CSMD1: variants seen among roughly 807,000 people sequenced by gnomAD.
CSMD1 encodes CUB and Sushi multiple domains 1.
A neutral mutation model predicts 417.5 loss-of-function variants in CSMD1; 213 were observed. That is an observed-to-expected ratio of 0.51 (90% CI 0.46 to 0.57). CSMD1 has a LOEUF of 0.57. Among genes scored for constraint, CSMD1 ranks in the 20% least tolerant of loss-of-function variants. The pLI is 0.00. For synonymous variants in CSMD1, 2,862 were observed against 1,736.8 expected, an observed-to-expected ratio of 1.65 and a Z score of -16.11; for missense variants, 6,923 against 4,529.7, an observed-to-expected ratio of 1.53 and a Z score of -15.17.
chr8:3,362,434 T>C (rs191586803), intron 20 of CSMD1, among the ~76,000 whole-genome samples: 28 of 152,286 alleles, frequency 1.8e-4, no homozygotes, highest in Admixed American at 1.7e-3. Context: ...TTTAATACAG[T>C]TGAATGCTCT....
intron 5 of CSMD1, among the ~76,000 whole-genome samples, chr8:3,784,852 T>C (rs1184208842): frequency 6.6e-6 from 1 of 152,210 alleles, no homozygotes. Flanking sequence ...TCCAATGAAA[T>C]CATCACAATA....
chr8:4,775,289 C>A (rs1293658328), intron 1 of CSMD1, among the ~76,000 whole-genome samples: 1 of 152,032 alleles, frequency 6.6e-6, no homozygotes, highest in African/African-American at 2.4e-5. Context: ...TCAGGTCCAG[C>A]ATAAAGTCTC....
At position 4,819,247 on chromosome 8, in the gene CSMD1, T is replaced by C. The variant is rs1029489304; in HGVS notation, c.85+175085A>G. On this transcript the variant is annotated intron_variant, in intron 1 of 69. Coordinates refer to ENST00000635120, the MANE Select transcript of CSMD1 (RefSeq NM_033225.6). ...TTACAATATTAACTAGTATTTGGCA[T>C]TTTACAATTAACAAAAACAAAACCT... is the stretch of plus-strand genomic sequence containing the variant. Among the ~76,000 whole-genome samples, 26 of 152,298 alleles carry C rather than the reference T, an allele frequency of 1.7e-4. No individual in the cohort carries two copies. In the East Asian group the frequency reaches 2.1e-3, roughly 12 times the overall value.
At chr8:2,956,603 G>A (rs773183289) in intron 63 of CSMD1, among the ~76,000 whole-genome samples, 2 of 151,874 alleles carry the variant, frequency 1.3e-5, no homozygotes, top group Non-Finnish European at 2.9e-5. Context: ...ACAGGCACCC[G>A]CCACCATGCC....
intron 23 of CSMD1, among the ~76,000 whole-genome samples, chr8:3,339,724 T>A (rs1807516736): frequency 1.3e-5 from 2 of 152,160 alleles, no homozygotes; most frequent in Admixed American, 6.5e-5. Flanking sequence ...ACAATTTGAA[T>A]GACAATCATC....
Position 3,975,717 on chromosome 8 carries a change from C to A in CSMD1, c.818+22186G>T, listed in dbSNP as rs551205278. Among the ~76,000 whole-genome samples the A allele has an allele frequency of 3.4e-3, 519 of 152,304 alleles. 5 individuals carry two copies. The highest frequency in any genetic ancestry group is 0.011 in the African/African-American group (441 of 41,556). On this transcript the variant is annotated intron_variant, in intron 5 of 69. Transcript: ENST00000635120. ...TAAAAGCCATGGTTGACAACGACTT[C>A]ATTACATGCAAACTTTAAAATAAAA...
At chr8:4,236,829 A>C (rs917497945) in intron 3 of CSMD1, among the ~76,000 whole-genome samples, 2 of 152,168 alleles carry the variant, frequency 1.3e-5, no homozygotes, top group African/African-American at 2.4e-5. Context: ...TGCTTTCCAA[A>C]TATAGAAGTC....
At chr8:4,247,928 CATTA>C (rs1157804343) in intron 3 of CSMD1, among the ~76,000 whole-genome samples, 1 of 152,128 alleles carries the variant, frequency 6.6e-6, no homozygotes, top group East Asian at 1.9e-4. Flanking sequence ...GATGTAGGTA[CATTA>C]ATCAAATATT....
chr8:4,143,953 C>T (rs562561686), intron 3 of CSMD1, among the ~76,000 whole-genome samples: 15 of 151,462 alleles, frequency 9.9e-5, no homozygotes, highest in Non-Finnish European at 7.3e-5. Context: ...ATGGCCAGTG[C>T]TTGGCCCATA....
intron 49 of CSMD1, among the ~76,000 whole-genome samples, chr8:3,059,400 C>T (rs1367238405): frequency 6.6e-6 from 1 of 152,052 alleles, no homozygotes; most frequent in African/African-American, 2.4e-5. Flanking sequence ...GCTTTTTAAG[C>T]AACATCCTCA....
intron 10 of CSMD1, among the ~76,000 whole-genome samples, chr8:3,526,627 T>C (rs1797765168): frequency 6.6e-6 from 1 of 152,188 alleles, no homozygotes; most frequent in African/African-American, 2.4e-5. Flanking sequence ...AAATAATTTT[T>C]CCAAGGTACC....
chr8:4,045,609 A>G (rs955670245), intron 3 of CSMD1, among the ~76,000 whole-genome samples: 4 of 152,192 alleles, frequency 2.6e-5, no homozygotes, highest in African/African-American at 7.2e-5. Context: ...TGTTCCTGCT[A>G]TTAGCTGCAA....
intron 3 of CSMD1, among the ~76,000 whole-genome samples, chr8:4,042,516 A>G (rs17068682): frequency 0.061 from 9,272 of 152,164 alleles, 377 homozygotes; most frequent in Middle Eastern, 0.095. Context: ...AAAGCCCGTC[A>G]CTAGCAGGCC....
At chr8:3,988,850 G>C (rs545776754) in intron 5 of CSMD1, among the ~76,000 whole-genome samples, 6 of 152,240 alleles carry the variant, frequency 3.9e-5, no homozygotes, top group Admixed American at 2.0e-4. Flanking sequence ...TTCCTTTAAA[G>C]TGATATTATT....
At chr8:3,705,011 C>A (rs1024922775) in intron 7 of CSMD1, among the ~76,000 whole-genome samples, 3 of 152,172 alleles carry the variant, frequency 2.0e-5, no homozygotes, top group Non-Finnish European at 4.4e-5. Context: ...CTCTCGAATT[C>A]ACCAAAACCT....
At chr8:3,859,551 A>G (rs1205949078) in intron 5 of CSMD1, among the ~76,000 whole-genome samples, 1 of 152,156 alleles carries the variant, frequency 6.6e-6, no homozygotes, top group African/African-American at 2.4e-5. Context: ...GAGGCTAACT[A>G]CATCTAACAA....
intron 3 of CSMD1, among the ~76,000 whole-genome samples, chr8:4,187,796 T>C (rs772569985): frequency 6.6e-6 from 1 of 151,676 alleles, no homozygotes; most frequent in Non-Finnish European, 1.5e-5. Context: ...TAGGCAGGTA[T>C]TATTATTATT....
intron 25 of CSMD1, among the ~76,000 whole-genome samples, chr8:3,294,544 G>C (rs571913363): frequency 7.2e-6 from 1 of 138,596 alleles, no homozygotes; most frequent in Non-Finnish European, 1.6e-5. Flanking sequence ...CCCCAGCCTC[G>C]CTGCAGCCTT....
intron 3 of CSMD1, among the ~76,000 whole-genome samples, chr8:4,133,257 T>C (rs966587078): frequency 2.0e-5 from 3 of 152,156 alleles, no homozygotes; most frequent in Non-Finnish European, 2.9e-5. Context: ...AATAATATTA[T>C]TAAGCAAAGA....
Sources: gnomAD v4.1 joint callset for allele counts (sites outside exome capture counted in the v4.1 genomes callset) on GRCh38, gnomAD v4.1.1 for gene constraint, MANE v1.5 for transcripts, NCBI Gene and HGNC (gene_info 2026-07-23, HGNC 2026-07-21) for gene names.